The following SLC25A48 variants were observed in gnomAD, a reference collection of about 807,000 sequenced individuals.
The protein encoded by SLC25A48 is CTC-321K16.1.
A neutral mutation model predicts 32.2 loss-of-function variants in SLC25A48; 29 were observed. The observed-to-expected ratio is 0.90, with a 90% confidence interval of 0.67 to 1.23. The LOEUF is 1.23. Among genes scored for constraint, SLC25A48 ranks in the 50% most tolerant of loss-of-function variants. The pLI, the probability that SLC25A48 is intolerant of heterozygous loss-of-function variation, is 0.00. For missense variants in SLC25A48, 399 were observed against 422.7 expected, an observed-to-expected ratio of 0.94 and a Z score of 0.49; for synonymous variants, 164 against 172.3, an observed-to-expected ratio of 0.95 and a Z score of 0.38.
intron 3 of SLC25A48, among the ~76,000 whole-genome samples, chr5:135,709,936 A>C (rs1279636053): frequency 6.6e-6 from 1 of 152,166 alleles, no homozygotes; most frequent in African/African-American, 2.4e-5. Context: ...TTGGGTTTTT[A>C]AAAAGGCTCA....
chr5:135,713,827 C>T (rs1417051252), intron 3 of SLC25A48, among the ~76,000 whole-genome samples: 2 of 152,212 alleles, frequency 1.3e-5, no homozygotes, highest in Non-Finnish European at 2.9e-5. Flanking sequence ...CACCTGGGAG[C>T]CTCCCTCCTG....
intron 3 of SLC25A48, among the ~76,000 whole-genome samples, chr5:135,668,619 A>G (rs1753577539): frequency 6.6e-6 from 1 of 152,238 alleles, no homozygotes; most frequent in Non-Finnish European, 1.5e-5. Context: ...CTCACTGTTT[A>G]GTGTGAGACA....
intron 3 of SLC25A48, among the ~76,000 whole-genome samples, chr5:135,723,058 G>A (rs1253600657): frequency 6.6e-6 from 1 of 152,216 alleles, no homozygotes. Context: ...CGCATGGCTA[G>A]GTATCTTCTT....
intron 3 of SLC25A48, among the ~76,000 whole-genome samples, chr5:135,643,092 C>T (rs546038454): frequency 6.6e-6 from 1 of 152,220 alleles, no homozygotes; most frequent in African/African-American, 2.4e-5. Context: ...ATAGACTCAG[C>T]CCCCAACATG....
intron 3 of SLC25A48, among the ~76,000 whole-genome samples, chr5:135,762,714 T>C (rs1251539324): frequency 6.6e-6 from 1 of 152,014 alleles, no homozygotes; most frequent in Non-Finnish European, 1.5e-5. Flanking sequence ...AGTGTGTGCG[T>C]GTGTAAGTTG....
At position 135,842,410 on chromosome 5, in the gene SLC25A48, C is replaced by A. The variant is rs770555414; in HGVS notation, c.47-6C>A. 4 of 1,613,784 alleles carry A rather than the reference C, an allele frequency of 2.5e-6. No individual in the cohort carries two copies. The highest frequency in any genetic ancestry group is 1.7e-4 in the Middle Eastern group (1 of 6,020). On this transcript the variant is annotated splice_polypyrimidine_tract_variant and splice_region_variant and intron_variant, in intron 1 of 7. Transcript: ENST00000681962. ...GAGTTACTAGGCATTCTTTTTTGATCCACAGGTGCAGCCAGTGTCATCGTT... is the reference window on the plus strand; with the variant it reads ...GAGTTACTAGGCATTCTTTTTTGATACACAGGTGCAGCCAGTGTCATCGTT...
rs1761653574 is a variant in SLC25A48, at chr5:135,871,644, T to C, written c.605T>C (p.Leu202Pro). The stretch of plus-strand genomic sequence containing the variant: ...CTCTACTTCATCCCCTACGTGTTCC[T>C]GAGTGAGTGGATCACACCTGAGGCC... ...YCLYFIPYVFLSEWITPEACT... is the reference protein window; with the variant it reads ...YCLYFIPYVFPSEWITPEACT... Residue 202 changes from leucine to proline, a missense_variant, in exon 5 of 8, where the codon CTG becomes CCG. Physicochemically the swap from Leu to Pro is moderately conservative, Grantham distance 98. Transcript: ENST00000681962. 6.2e-7 allele frequency: 1 copy of C among 1,614,072 alleles called. No homozygotes were observed. Among genetic ancestry groups the C allele is most frequent in the African/African-American group, 1.3e-5 (1 of 74,930 alleles).
At chr5:135,869,084 A>T (rs1761446594) in intron 4 of SLC25A48, among the ~76,000 whole-genome samples, 2 of 152,322 alleles carry the variant, frequency 1.3e-5, no homozygotes, top group African/African-American at 4.8e-5. Flanking sequence ...TGTTAGCAAT[A>T]GATAAATCTG....
In SLC25A48 at chr5:135,634,537, C is replaced by T. The variant is rs537120676; in HGVS notation, c.-708-232C>T. On this transcript the variant is annotated intron_variant, in intron 2 of 10. Coordinates refer to the SLC25A48 transcript ENST00000646290. Reference sequence around the variant, plus strand: ...GGAGCTCATGATTTCCCTAGGGAAACAAGACAAACCCAAAGAGAAGGTCAT... The same window carrying T: ...GGAGCTCATGATTTCCCTAGGGAAATAAGACAAACCCAAAGAGAAGGTCAT... 2.9e-4 allele frequency among the ~76,000 whole-genome samples: 44 copies of T among 152,280 alleles called. 1 individual carries two copies. The highest frequency in any genetic ancestry group is 2.7e-3 in the Admixed American group (42 of 15,298).
intron 2 of SLC25A48, among the ~76,000 whole-genome samples, chr5:135,845,763 A>T (rs1759354125): frequency 6.6e-6 from 1 of 152,202 alleles, no homozygotes; most frequent in Admixed American, 6.5e-5. Flanking sequence ...GAGTGCAGGG[A>T]GGCAGACAGT....
At chr5:135,768,691 G>T (rs957060420) in intron 3 of SLC25A48, among the ~76,000 whole-genome samples, 1 of 151,558 alleles carries the variant, frequency 6.6e-6, no homozygotes, top group Non-Finnish European at 1.5e-5. Flanking sequence ...TCTGAATATC[G>T]CAGGAATGTG....
intron 7 of SLC25A48, among the ~76,000 whole-genome samples, chr5:135,886,607 ATATATATATATATATATATATATATATAT>A (rs1561567553): frequency 1.3e-4 from 6 of 46,224 alleles, no homozygotes; most frequent in African/African-American, 5.9e-4. Flanking sequence ...ATATATATAT[ATATATATATATATATATATATATATATAT>A]AAAATATATA....
intron 3 of SLC25A48, among the ~76,000 whole-genome samples, chr5:135,670,438 C>T (rs564668697): frequency 8.5e-5 from 13 of 152,324 alleles, no homozygotes; most frequent in African/African-American, 2.9e-4. Context: ...GGCACGGACA[C>T]AGAGTGGAGG....
chr5:135,706,337 T>C (rs1363577927), intron 3 of SLC25A48, among the ~76,000 whole-genome samples: 1 of 152,182 alleles, frequency 6.6e-6, no homozygotes, highest in African/African-American at 2.4e-5. Flanking sequence ...GAGCAGGATC[T>C]CAGTGCTCAG....
chr5:135,863,608 C>T (rs562992825), intron 4 of SLC25A48, among the ~76,000 whole-genome samples: 6 of 152,290 alleles, frequency 3.9e-5, no homozygotes, highest in Admixed American at 2.6e-4. Flanking sequence ...CACGTTAATG[C>T]CCATTCCATT....
At chr5:135,600,937 G>T (rs571082278) in intron 1 of SLC25A48, 27 of 151,058 alleles carry the variant, frequency 1.8e-4, no homozygotes, top group African/African-American at 6.1e-4. Context: ...TGATCTGCCC[G>T]CCTCGGCCTC....
chr5:135,809,033 G>A (rs1407917876), intron 3 of SLC25A48, among the ~76,000 whole-genome samples: 1 of 152,100 alleles, frequency 6.6e-6, no homozygotes. Flanking sequence ...GGGTCGGGGG[G>A]GCTCATGCCT....
At chr5:135,588,931 AAAAC>A (rs947569817) in intron 1 of SLC25A48, among the ~76,000 whole-genome samples, 5 of 152,320 alleles carry the variant, frequency 3.3e-5, no homozygotes, top group Admixed American at 1.3e-4. Flanking sequence ...CACAAACAAA[AAAAC>A]AAACAAACAA....
intron 1 of SLC25A48, among the ~76,000 whole-genome samples, chr5:135,838,114 T>G (rs1270281653): frequency 6.6e-6 from 1 of 152,202 alleles, no homozygotes; most frequent in South Asian, 2.1e-4. Context: ...AGGAACTTGT[T>G]GGGAACTGGA....
Sources: gnomAD v4.1 joint callset for allele counts (sites outside exome capture counted in the v4.1 genomes callset) on GRCh38, gnomAD v4.1.1 for gene constraint, MANE v1.5 for transcripts, NCBI Gene and HGNC (gene_info 2026-07-23, HGNC 2026-07-21) for gene names.